The following BMPR1A variants were observed in gnomAD, a reference collection of about 807,000 sequenced individuals.
BMPR1A encodes the protein bone morphogenetic protein receptor type 1A, also known as bone morphogenetic protein receptor type-1A.
BMPR1A carries 7 observed loss-of-function variants against 66.0 expected under a neutral mutation model. The observed-to-expected ratio is 0.11, with a 90% CI of 0.06 to 0.20. The LOEUF is 0.20. Among genes scored for constraint, BMPR1A ranks in the 10% least tolerant of loss-of-function variants. BMPR1A has a pLI of 1.00. For synonymous variants in BMPR1A, 200 were observed against 229.7 expected (o/e 0.87, Z 1.17); for missense variants, 408 against 669.1 (o/e 0.61, Z 4.31).
chr10:86,882,788 A>G (rs778626457), intron 3 of BMPR1A, among the ~76,000 whole-genome samples: 16 of 151,974 alleles, frequency 1.1e-4, no homozygotes, highest in African/African-American at 3.6e-4. Context: ...AACATGGAGA[A>G]ACCCCGTCTC....
chr10:86,896,015 G>C (rs534636391), intron 5 of BMPR1A, among the ~76,000 whole-genome samples: 4 of 152,220 alleles, frequency 2.6e-5, no homozygotes, highest in South Asian at 2.1e-4. Context: ...TTAGCCGGGC[G>C]TGGTGGCACA....
intron 9 of BMPR1A, among the ~76,000 whole-genome samples, chr10:86,917,850 C>T (rs1843599647): frequency 6.6e-6 from 1 of 152,166 alleles, no homozygotes. Flanking sequence ...ATTTGGAGAG[C>T]CCATAGCATG....
In BMPR1A at chr10:86,792,133, T is replaced by C. The variant is rs1473556277; in HGVS notation, c.-268+35214T>C. Among the ~76,000 whole-genome samples the C allele has an allele frequency of 2.0e-5, 3 of 148,190 alleles. No individual in the cohort carries two copies. In the East Asian group the frequency reaches 6.2e-4, roughly 31 times the overall value. On this transcript the variant is annotated intron_variant, in intron 1 of 12. Coordinates refer to ENST00000372037, the MANE Select transcript of BMPR1A (RefSeq NM_004329.3). ...GCTAGGCTGGAGTGCTGTGGCATGATCTCTGCTCACTGCAACCTCCAACTC... is the reference window on the plus strand; with the variant it reads ...GCTAGGCTGGAGTGCTGTGGCATGACCTCTGCTCACTGCAACCTCCAACTC...
rs1398542267 is a variant in BMPR1A at position 86,764,383 on chromosome 10, G to A, written c.-268+7464G>A. 2.6e-5 allele frequency among the ~76,000 whole-genome samples: 4 copies of A among 152,160 alleles called. No homozygotes were observed. In the East Asian group the frequency reaches 5.8e-4, roughly 22 times the overall value. ...GTAACTGTTCAGAAGTATCTTAAAT[G>A]TATACCAAATCAATGAAATATAATC... On this transcript the variant is annotated intron_variant, in intron 1 of 12. Transcript: ENST00000372037.
downstream of BMPR1A, chr10:86,928,307 T>G (rs956160095): frequency 6.0e-5 from 9 of 150,650 alleles, no homozygotes; most frequent in African/African-American, 2.2e-4. Context: ...ACTGCAACCT[T>G]TGCCTCCTGG....
chr10:86,881,954 G>A (rs1442200816), intron 3 of BMPR1A, among the ~76,000 whole-genome samples: 1 of 151,896 alleles, frequency 6.6e-6, no homozygotes, highest in Non-Finnish European at 1.5e-5. Flanking sequence ...TATTGGTAAG[G>A]ATAAGGAATT....
chr10:86,803,838 A>G (rs1841846543), intron 1 of BMPR1A, among the ~76,000 whole-genome samples: 1 of 152,184 alleles, frequency 6.6e-6, no homozygotes, highest in African/African-American at 2.4e-5. Context: ...AAAGTCTGCT[A>G]ATATTCATTG....
chr10:86,789,892 C>T (rs574854978), intron 1 of BMPR1A, among the ~76,000 whole-genome samples: 5 of 149,352 alleles, frequency 3.3e-5, no homozygotes, highest in African/African-American at 7.3e-5. Flanking sequence ...CACGGTGGCT[C>T]ACGCCTGTAA....
At chr10:86,774,102 G>A (rs968829774) in intron 1 of BMPR1A, among the ~76,000 whole-genome samples, 4 of 151,920 alleles carry the variant, frequency 2.6e-5, no homozygotes, top group African/African-American at 7.3e-5. Flanking sequence ...CGCCCGCCTC[G>A]GCCTCCGAAA....
chr10:86,769,085 T>A (rs1211761158), intron 1 of BMPR1A, among the ~76,000 whole-genome samples: 1 of 152,246 alleles, frequency 6.6e-6, no homozygotes, highest in Non-Finnish European at 1.5e-5. Context: ...AAAGTATGCA[T>A]TATTTTAGCT....
At chr10:86,903,703 C>T (rs187776961) in intron 7 of BMPR1A, among the ~76,000 whole-genome samples, 8 of 151,990 alleles carry the variant, frequency 5.3e-5, no homozygotes, top group Non-Finnish European at 1.0e-4. Flanking sequence ...GCTCCACCTC[C>T]CGGGTTTACG....
intron 1 of BMPR1A, among the ~76,000 whole-genome samples, chr10:86,785,888 G>A (rs1231347446): frequency 2.0e-5 from 3 of 152,164 alleles, no homozygotes; most frequent in African/African-American, 7.2e-5. Flanking sequence ...CTAAGTTCAG[G>A]AGAGTCCTTA....
chr10:86,805,387 C>G (rs964306342), intron 1 of BMPR1A, among the ~76,000 whole-genome samples: 1 of 151,324 alleles, frequency 6.6e-6, no homozygotes, highest in African/African-American at 2.4e-5. Context: ...TACACACACA[C>G]ACACACACAC....
chr10:86,878,481 A>G (rs955678491), intron 3 of BMPR1A, among the ~76,000 whole-genome samples: 11 of 152,248 alleles, frequency 7.2e-5, no homozygotes, highest in Non-Finnish European at 1.6e-4. Context: ...CACAAATTTC[A>G]GAAATGGATT....
intron 1 of BMPR1A, among the ~76,000 whole-genome samples, chr10:86,807,642 C>T (rs1841909017): frequency 6.6e-6 from 1 of 152,188 alleles, no homozygotes; most frequent in Non-Finnish European, 1.5e-5. Context: ...CTCAGTCTCC[C>T]AAAGAGCTGG....
At chr10:86,929,911 G>A (rs918496018), downstream of BMPR1A, 7 of 152,234 alleles carry the variant, frequency 4.6e-5, no homozygotes, top group South Asian at 1.4e-3. Context: ...CAGTAAGTCA[G>A]TTACTAAGTT....
At chr10:86,891,027 A>G (rs1843142767) in intron 4 of BMPR1A, among the ~76,000 whole-genome samples, 1 of 152,190 alleles carries the variant, frequency 6.6e-6, no homozygotes, top group African/African-American at 2.4e-5. Context: ...TATAGAGGCA[A>G]TAATGAATGT....
In BMPR1A at chr10:86,917,171, G is replaced by A. The variant is rs191742018; in HGVS notation, c.713G>A (p.Arg238Gln). 1.9e-5 allele frequency: 31 copies of A among 1,613,978 alleles called. No individual in the cohort carries two copies. The East Asian group carries it at 4.5e-4, about 23-fold the overall frequency. ...ATTGCCAAACAGATTCAGATGGTCC[G>A]GCAAGTTGGTAAAGGCCGATATGGA... ...RTIAKQIQMV[R>Q]QVGKGRYGEV... Residue 238 changes from arginine (R) to glutamine (Q), a missense_variant, in exon 9 of 13, where the codon CGG (arginine) becomes CAG (glutamine). By Grantham distance (43) the Arg-to-Gln change is conservative (BLOSUM62 1). Transcript: ENST00000372037.
At chr10:86,812,277 A>T (rs1841982097) in intron 1 of BMPR1A, among the ~76,000 whole-genome samples, 1 of 151,998 alleles carries the variant, frequency 6.6e-6, no homozygotes, top group South Asian at 2.1e-4. Context: ...TTTTTGAAGT[A>T]CCCTCTTGAG....
Sources: allele counts gnomAD v4.1 joint callset (sites outside exome capture counted in the v4.1 genomes callset), GRCh38; gene constraint gnomAD v4.1.1; transcripts MANE v1.5; gene names NCBI Gene and HGNC (gene_info 2026-07-23, HGNC 2026-07-21).